The following GALNT4 variants were observed in gnomAD, a reference collection of about 807,000 sequenced individuals.
GALNT4 encodes the protein polypeptide N-acetylgalactosaminyltransferase 4, also known as UDP-GalNAc:polypeptide N-acetylgalactosaminyltransferase 4.
GALNT4 carries 23 observed loss-of-function variants against 45.1 expected under a neutral mutation model. The observed-to-expected ratio is 0.51, with a 90% CI of 0.37 to 0.72. The LOEUF is 0.72. GALNT4 is among the 30% of genes least tolerant of loss of function. GALNT4 has a pLI of 0.00. For missense variants in GALNT4, 757 were observed against 709.0 expected, an observed-to-expected ratio of 1.07 and a Z score of -0.77; for synonymous variants, 264 against 257.6, an observed-to-expected ratio of 1.02 and a Z score of -0.24.
In GALNT4 at chr12:89,523,794, C is replaced by T; in HGVS notation, c.756G>A (p.Val252=). ...AATCAATTGTGTCTATAACAGGACA[C>T]ACAACTGCTGTTTCATCTCTCCCAA... ...ERIGRDETAV[V]CPVIDTIDWN... is the part of the protein sequence containing the mutation. The change falls in exon 1 of 1, where the codon GTG becomes GTA. Residue 252 remains valine (V), a synonymous_variant. Transcript: ENST00000529983. 6.5e-7 allele frequency: 1 copy of T among 1,535,122 alleles called. No homozygotes were observed. The highest frequency in any genetic ancestry group is 8.7e-7 in the Non-Finnish European group (1 of 1,146,370).
In GALNT4 at chr12:89,524,564, C is replaced by A; in HGVS notation, c.-15G>T. On this transcript the variant is annotated 5_prime_UTR_variant, in exon 1 of 1. Coordinates refer to ENST00000529983, the MANE Select transcript of GALNT4 (RefSeq NM_003774.5). ...CTCACCGCCATCCGGATTCTCAGGG[C>A]TGAGGCGCAGACGCGGCCACCAAGC... is the stretch of plus-strand genomic sequence containing the variant. 6.2e-7 allele frequency: 1 copy of A among 1,610,200 alleles called. No homozygotes were observed. The highest frequency in any genetic ancestry group is 1.3e-5 in the African/African-American group (1 of 74,896).
At position 89,523,808 on chromosome 12, in the gene GALNT4, C is replaced by G. The variant is rs574777128; in HGVS notation, c.742G>C (p.Glu248Gln). Residue 248 changes from glutamate to glutamine, a missense_variant, in exon 1 of 1, where the codon GAA becomes CAA. Coordinates refer to ENST00000529983, the MANE Select transcript of GALNT4 (RefSeq NM_003774.5). ...ATAACAGGACACACAACTGCTGTTT[C>G]ATCTCTCCCAATCCTTTCCAAAAGC... Reference protein sequence around the residue: ...EPLLERIGRDETAVVCPVIDT... With the variant: ...EPLLERIGRDQTAVVCPVIDT... The G allele has an allele frequency of 1.3e-4, 199 of 1,535,222 alleles. 1 individual carries two copies. In the South Asian group the frequency reaches 1.9e-3, roughly 15 times the overall value.
Position 89,523,424 on chromosome 12 carries a change from G to A in GALNT4, c.1126C>T (p.Leu376=), listed in dbSNP as rs1386774349. 1 of 1,614,038 alleles carries A rather than the reference G, an allele frequency of 6.2e-7. No individual in the cohort carries two copies. The highest frequency in any genetic ancestry group is 1.7e-5 in the Admixed American group (1 of 60,032). Reference sequence around the variant, plus strand: ...TCTGCTGCCCGAGCAGTATTCTGTAGGAAATTGGGGCGAGCATATGGTGCC... The same window carrying A: ...TCTGCTGCCCGAGCAGTATTCTGTAAGAAATTGGGGCGAGCATATGGTGCC... ...KRAPYARPNF[L]QNTARAAEVW... Residue 376 remains leucine (L), a synonymous_variant, in exon 1 of 1, where the codon CTA becomes TTA. Coordinates refer to ENST00000529983, the MANE Select transcript of GALNT4 (RefSeq NM_003774.5).
rs540349909 is a variant in GALNT4, at chr12:89,522,796, G to A, written c.*17C>T. 50 of 1,546,126 alleles carry A rather than the reference G, an allele frequency of 3.2e-5. No individual in the cohort carries two copies. Among genetic ancestry groups the A allele is most frequent in the Admixed American group, 1.0e-4 (5 of 47,798 alleles). ...CTTGACACTACTGTCAGCTCATGACGAAAGTGCTGTTGTGCTCTATTTCTC... is the reference window on the plus strand; with the variant it reads ...CTTGACACTACTGTCAGCTCATGACAAAAGTGCTGTTGTGCTCTATTTCTC... On this transcript the variant is annotated 3_prime_UTR_variant, in exon 1 of 1. Transcript: ENST00000529983.
chr12:89,523,201 C>T lies in GALNT4; in HGVS notation c.1349G>A (p.Ser450Asn). The T allele has an allele frequency of 1.2e-6, 2 of 1,613,972 alleles. No individual in the cohort carries two copies. The highest frequency in any genetic ancestry group is 2.2e-5 in the South Asian group (2 of 91,072). Residue 450 changes from serine to asparagine, a missense_variant, in exon 1 of 1, where the codon AGT becomes AAT. By Grantham distance (46) the Ser-to-Asn change is conservative. Coordinates refer to ENST00000529983, the MANE Select transcript of GALNT4 (RefSeq NM_003774.5). ...DRPGWHGAIR[S>N]RGISSECLDY... ...TAAACATTCAGACGAGATCCCTCTA[C>T]TGCGAATAGCCCCATGCCAGCCTGG...
At position 89,523,789 on chromosome 12, in the gene GALNT4, G is replaced by C; in HGVS notation, c.761C>G (p.Pro254Arg). The change falls in exon 1 of 1, where the codon CCT (proline) becomes CGT (arginine). Residue 254 changes from proline to arginine, a missense_variant. Pro to Arg is a moderately radical substitution (Grantham distance 103, BLOSUM62 -2). Transcript: ENST00000529983. ...IGRDETAVVC[P>R]VIDTIDWNTF... The stretch of plus-strand genomic sequence containing the variant: ...ATTCCAATCAATTGTGTCTATAACA[G>C]GACACACAACTGCTGTTTCATCTCT... The C allele has an allele frequency of 6.5e-7, 1 of 1,535,794 alleles. No individual in the cohort carries two copies. The highest frequency in any genetic ancestry group is 2.3e-5 in the East Asian group (1 of 44,436).
In GALNT4 at chr12:89,524,147, G is replaced by A. The variant is rs755838705; in HGVS notation, c.403C>T (p.Pro135Ser). 1.2e-6 allele frequency: 2 copies of A among 1,614,002 alleles called. No homozygotes were observed. The highest frequency in any genetic ancestry group is 1.7e-6 in the Non-Finnish European group (2 of 1,179,912). Residue 135 changes from proline (P) to serine (S), a missense_variant, in exon 1 of 1, where the codon CCT becomes TCT. Coordinates refer to ENST00000529983, the MANE Select transcript of GALNT4 (RefSeq NM_003774.5). ...KSQKFNYRTLPTTSVIIAFYN... is the reference protein window; with the variant it reads ...KSQKFNYRTLSTTSVIIAFYN... ...AAAGCAATGATAACAGAGGTGGTAG[G>A]AAGTGTCCTATAGTTGAACTTCTGG...
chr12:89,524,531 A>T lies in GALNT4; in HGVS notation c.19T>A (p.Trp7Arg), dbSNP rs555150449. Residue 7 changes from tryptophan to arginine, a missense_variant, in exon 1 of 1, where the codon TGG becomes AGG. Coordinates refer to ENST00000529983, the MANE Select transcript of GALNT4 (RefSeq NM_003774.5). Reference protein sequence around the residue: MAVRWTWAGKSCLLLAF... With the variant: MAVRWTRAGKSCLLLAF... ...AGCAGCAGGCAGCTCTTGCCTGCCC[A>T]AGTCCACCTCACCGCCATCCGGATT... 1 of 1,611,576 alleles carries T rather than the reference A, an allele frequency of 6.2e-7. No homozygotes were observed. Among genetic ancestry groups the T allele is most frequent in the Admixed American group, 1.7e-5 (1 of 60,020 alleles).
In GALNT4 at chr12:89,524,569, G is replaced by A. The variant is rs376176561; in HGVS notation, c.-20C>T. 1.2e-5 allele frequency: 19 copies of A among 1,609,518 alleles called. No individual in the cohort carries two copies. Among genetic ancestry groups the A allele is most frequent in the East Asian group, 8.9e-5 (4 of 44,868 alleles). ...CGCCATCCGGATTCTCAGGGCTGAG[G>A]CGCAGACGCGGCCACCAAGCCACCA... On this transcript the variant is annotated 5_prime_UTR_variant, in exon 1 of 1. Transcript: ENST00000529983.
chr12:89,524,370 A>G lies in GALNT4; in HGVS notation c.180T>C (p.Ser60=). The change falls in exon 1 of 1, where the codon TCT becomes TCC. Residue 60 remains serine (S), a synonymous_variant. Transcript: ENST00000529983. ...SDLQKNTEDL[S]RPLYKKPPAD... is the part of the protein sequence containing the mutation. ...CAGGGGGCTTCTTATAAAGCGGTCGAGACAAATCCTCCGTATTTTTCTGGA... is the reference window on the plus strand; with the variant it reads ...CAGGGGGCTTCTTATAAAGCGGTCGGGACAAATCCTCCGTATTTTTCTGGA... 1 of 1,614,040 alleles carries G rather than the reference A, an allele frequency of 6.2e-7. No homozygotes were observed. Among genetic ancestry groups the G allele is most frequent in the African/African-American group, 1.3e-5 (1 of 75,042 alleles).
rs1251971761 is a variant in GALNT4 at position 89,524,686 on chromosome 12, CA to C, written c.-138del. The C allele has an allele frequency of 8.5e-6, 8 of 936,606 alleles. No homozygotes were observed. Among genetic ancestry groups the C allele is most frequent in the Non-Finnish European group, 8.0e-6 (5 of 625,106 alleles). The allele number at this position is 936,606 out of a possible 1,614,324, so 58.0% of individuals were successfully genotyped here. On this transcript the variant is annotated 5_prime_UTR_variant, in exon 1 of 1. Coordinates refer to ENST00000529983, the MANE Select transcript of GALNT4 (RefSeq NM_003774.5). The stretch of plus-strand genomic sequence containing the variant: ...TGCAGGCGCTAGGCTCCTTTCCAGC[CA>C]CCCAGGCTTTCCAGGGGTCACCTGA...
rs1297601524 is a variant in GALNT4 at position 89,521,491 on chromosome 12, T to C, written c.*1322A>G. 6.6e-6 allele frequency: 1 copy of C among 152,294 alleles called. No individual in the cohort carries two copies. The highest frequency in any genetic ancestry group is 1.5e-5 in the Non-Finnish European group (1 of 68,156). 9.4% of individuals were successfully genotyped at this position (152,294 alleles called of 1,614,324 possible). ...CTCAACTGCTCAACAACATTACCTA[T>C]GTCAAAAGTGAAAAGATAAAAAGTA... On this transcript the variant is annotated 3_prime_UTR_variant, in exon 1 of 1. Coordinates refer to ENST00000529983, the MANE Select transcript of GALNT4 (RefSeq NM_003774.5).
Position 89,524,299 on chromosome 12 carries a change from T to C in GALNT4, c.251A>G (p.Gln84Arg), listed in dbSNP as rs1268019421. The change falls in exon 1 of 1, where the codon CAG (glutamine) becomes CGG (arginine). Residue 84 changes from glutamine (Q) to arginine (R), a missense_variant. By Grantham distance (43) the Gln-to-Arg change is conservative. Coordinates refer to ENST00000529983, the MANE Select transcript of GALNT4 (RefSeq NM_003774.5). ...LGEWGKASKL[Q>R]LNEDELKQQE... ...CTGCTTCAGTTCATCCTCGTTGAGC[T>C]GGAGTTTGCTGGCTTTCCCCCACTC... The C allele has an allele frequency of 6.2e-7, 1 of 1,614,034 alleles. No individual in the cohort carries two copies. The highest frequency in any genetic ancestry group is 8.5e-7 in the Non-Finnish European group (1 of 1,179,888).
Position 89,520,338 on chromosome 12 carries a change from AC to A in GALNT4, c.*2474del, listed in dbSNP as rs1198669326. ...ATGTAATAAGTACTTTCAAAATATAACAATTTTCGTTCTCCCATATAACAGG... is the reference window on the plus strand; with the variant it reads ...ATGTAATAAGTACTTTCAAAATATAAAATTTTCGTTCTCCCATATAACAGG... On this transcript the variant is annotated 3_prime_UTR_variant, in exon 1 of 1. Transcript: ENST00000529983. The A allele has an allele frequency of 6.6e-6, 1 of 152,142 alleles. No homozygotes were observed. Among genetic ancestry groups the A allele is most frequent in the Non-Finnish European group, 1.5e-5 (1 of 68,012 alleles). 9.4% of individuals were successfully genotyped at this position (152,142 alleles called of 1,614,324 possible).
rs1363925916 is a variant in GALNT4, at chr12:89,521,409, CACTT to C, written c.*1400_*1403del. ...TGAGCCACCGCACCCGGCCTCCCCT[CACTT>C]AATTTTTAAAACCCATTTCTCTTCT... is the stretch of plus-strand genomic sequence containing the variant. On this transcript the variant is annotated 3_prime_UTR_variant, in exon 1 of 1. Transcript: ENST00000529983. 1.3e-5 allele frequency: 2 copies of C among 152,302 alleles called. No homozygotes were observed. The highest frequency in any genetic ancestry group is 4.8e-5 in the African/African-American group (2 of 41,436). The allele number at this position is 152,302 out of a possible 1,614,324, so 9.4% of individuals were successfully genotyped here.
rs187767855 is a variant in GALNT4 at position 89,523,191 on chromosome 12, G to A, written c.1359C>T (p.Ile453=). The change falls in exon 1 of 1, where the codon ATC becomes ATT. Residue 453 remains isoleucine (I), a synonymous_variant. Transcript: ENST00000529983. ...AATTATAATCTAAACATTCAGACGA[G>A]ATCCCTCTACTGCGAATAGCCCCAT... ...GWHGAIRSRG[I]SSECLDYNSP... The A allele has an allele frequency of 3.9e-3, 6,302 of 1,613,896 alleles. 23 individuals are homozygous for A. The highest frequency in any genetic ancestry group is 4.8e-3 in the Non-Finnish European group (5,719 of 1,179,804).
chr12:89,523,018 T>C lies in GALNT4; in HGVS notation c.1532A>G (p.Asn511Ser). 1 of 1,613,662 alleles carries C rather than the reference T, an allele frequency of 6.2e-7. No homozygotes were observed. The highest frequency in any genetic ancestry group is 8.5e-7 in the Non-Finnish European group (1 of 1,179,724). ...ELCAEVPEQK[N>S]YVGMQNCPKD... ...GGGACAATTTTGCATTCCCACATAA[T>C]TTTTTTGCTCAGGTACCTCTGCACA... The change falls in exon 1 of 1, where the codon AAT (asparagine) becomes AGT (serine). Residue 511 changes from asparagine to serine, a missense_variant. By Grantham distance (46) the Asn-to-Ser change is conservative. Transcript: ENST00000529983.
chr12:89,524,191 C>A lies in GALNT4; in HGVS notation c.359G>T (p.Arg120Ile). 6.2e-7 allele frequency: 1 copy of A among 1,613,998 alleles called. No individual in the cohort carries two copies. Among genetic ancestry groups the A allele is most frequent in the Non-Finnish European group, 8.5e-7 (1 of 1,179,904 alleles). Residue 120 changes from arginine to isoleucine, a missense_variant, in exon 1 of 1, where the codon AGA becomes ATA. Coordinates refer to ENST00000529983, the MANE Select transcript of GALNT4 (RefSeq NM_003774.5). ...ISLHRHIEDK[R>I]MYECKSQKFN... Reference sequence around the variant, plus strand: ...CTTCTGGGACTTACACTCATACATTCTTTTATCCTCTATGTGTCGATGCAG... The same window carrying A: ...CTTCTGGGACTTACACTCATACATTATTTTATCCTCTATGTGTCGATGCAG...
chr12:89,523,943 T>TA lies in GALNT4; in HGVS notation c.606dup (p.Lys203Ter). On this transcript the variant is annotated frameshift_variant, in exon 1 of 1. Transcript: ENST00000529983. LOFTEE classifies it high-confidence loss of function. ...CGGGCCCTAACCAGCCCCTCTCGCTTATTGGTCCTAATCAAGCGTACTCTA... is the reference window on the plus strand; with the variant it reads ...CGGGCCCTAACCAGCCCCTCTCGCTTAATTGGTCCTAATCAAGCGTACTCTA... 6.2e-7 allele frequency: 1 copy of TA among 1,613,226 alleles called. No homozygotes were observed. Among genetic ancestry groups the TA allele is most frequent in the Non-Finnish European group, 8.5e-7 (1 of 1,179,604 alleles).
Sources: gnomAD v4.1 joint callset for allele counts on GRCh38, gnomAD v4.1.1 for gene constraint, MANE v1.5 for transcripts, NCBI Gene and HGNC (gene_info 2026-07-23, HGNC 2026-07-21) for gene names.